Variants in VGLL4 observed in about 807,000 individuals in gnomAD.
The protein encoded by VGLL4 is vestigial like family member 4.
In VGLL4, 7 loss-of-function variants were observed where a neutral mutation model predicts 21.0. The ratio of observed to expected loss-of-function variants is 0.33; its 90% CI spans 0.19 to 0.63. The LOEUF is 0.63. Among genes scored for constraint, VGLL4 ranks in the 20% least tolerant of loss-of-function variants. The probability of loss-of-function intolerance (pLI) is 0.78; values close to 1 mark genes in which losing one functional copy is unlikely to be tolerated. For synonymous variants in VGLL4, 222 were observed against 173.2 expected, an observed-to-expected ratio of 1.28 and a Z score of -2.21; for missense variants, 394 against 425.7, an observed-to-expected ratio of 0.93 and a Z score of 0.66.
intron 2 of VGLL4, among the ~76,000 whole-genome samples, chr3:11,695,931 G>A (rs565015108): frequency 3.7e-4 from 57 of 152,262 alleles, no homozygotes; most frequent in African/African-American, 1.4e-3. Context: ...GCAGAAAAAC[G>A]ATCCAAAGGC....
At chr3:11,582,468 T>G (rs1419957201) in intron 2 of VGLL4, 1 of 1,199,514 alleles carries the variant, frequency 8.3e-7, no homozygotes, top group Admixed American at 2.7e-5. Flanking sequence ...CCCCCTGCAC[T>G]GCAATAAAAG....
intron 2 of VGLL4, among the ~76,000 whole-genome samples, chr3:11,577,867 T>G (rs994203171): frequency 2.0e-5 from 3 of 152,244 alleles, no homozygotes; most frequent in Admixed American, 1.3e-4. Flanking sequence ...GTCCAACTAC[T>G]GAAAAGGACT....
chr3:11,608,699 TCTAAGA>T (rs1429036721), intron 1 of VGLL4, among the ~76,000 whole-genome samples: 5 of 152,214 alleles, frequency 3.3e-5, no homozygotes, highest in Admixed American at 1.3e-4. Flanking sequence ...TCTCAAAGAT[TCTAAGA>T]CTATTTCCTA....
In VGLL4 at chr3:11,643,530, G is replaced by A. The variant is rs1380041474; in HGVS notation, c.-12C>T. ...TTCATAAATAGCATTTATTGGGCTAGCAAAGAAAACCAGCTCTTTGCTTTT... is the reference window on the plus strand; with the variant it reads ...TTCATAAATAGCATTTATTGGGCTAACAAAGAAAACCAGCTCTTTGCTTTT... On this transcript the variant is annotated 5_prime_UTR_variant, in exon 1 of 5. Coordinates refer to ENST00000430365, the MANE Select transcript of VGLL4 (RefSeq NM_001128219.3). 12 of 1,613,844 alleles carry A rather than the reference G, an allele frequency of 7.4e-6. No individual in the cohort carries two copies. Among genetic ancestry groups the A allele is most frequent in the Non-Finnish European group, 7.6e-6 (9 of 1,179,888 alleles).
At chr3:11,708,534 C>T (rs1447021884) in intron 1 of VGLL4, among the ~76,000 whole-genome samples, 1 of 151,094 alleles carries the variant, frequency 6.6e-6, no homozygotes, top group Non-Finnish European at 1.5e-5. Context: ...GTCACGTGTG[C>T]CTGGAGGGCC....
rs140526424 is a variant in VGLL4 at position 11,717,367 on chromosome 3, C to T, written c.-14+3027G>A. 1.2e-3 allele frequency among the ~76,000 whole-genome samples: 175 copies of T among 152,102 alleles called. 1 individual carries two copies. Among genetic ancestry groups the T allele is most frequent in the Middle Eastern group, 6.8e-3 (2 of 294 alleles). ...AAATTAAAAGCTGCACAGCAAAACT[C>T]TCCAAGACAGATACCTAGAAGAGAC... On this transcript the variant is annotated intron_variant, in intron 1 of 5. Coordinates refer to the VGLL4 transcript ENST00000273038.
At chr3:11,588,710 A>G (rs1227405646) in intron 2 of VGLL4, among the ~76,000 whole-genome samples, 1 of 152,204 alleles carries the variant, frequency 6.6e-6, no homozygotes, top group East Asian at 1.9e-4. Context: ...AGACAAATGG[A>G]AAGAGAGTTG....
intron 1 of VGLL4, among the ~76,000 whole-genome samples, chr3:11,708,617 G>C (rs762076986): frequency 1.8e-4 from 28 of 152,182 alleles, no homozygotes; most frequent in Non-Finnish European, 4.0e-4. Flanking sequence ...GCAAGGAAGT[G>C]ACAAGTTTAT....
chr3:11,620,492 C>G (rs549186996), intron 1 of VGLL4, among the ~76,000 whole-genome samples: 1 of 152,240 alleles, frequency 6.6e-6, no homozygotes, highest in South Asian at 2.1e-4. Flanking sequence ...GTTAGCACCC[C>G]AGGGCCGCTA....
intron 1 of VGLL4, among the ~76,000 whole-genome samples, chr3:11,636,776 G>A (rs1337056389): frequency 1.3e-5 from 2 of 152,180 alleles, no homozygotes; most frequent in African/African-American, 2.4e-5. Flanking sequence ...TTCAACAGGT[G>A]ATGAAGAATG....
chr3:11,713,932 G>A (rs1256116566), intron 1 of VGLL4, among the ~76,000 whole-genome samples: 1 of 152,108 alleles, frequency 6.6e-6, no homozygotes, highest in Admixed American at 6.6e-5. Flanking sequence ...GTGGCTCAGG[G>A]CTTGAGTCTA....
intron 1 of VGLL4, among the ~76,000 whole-genome samples, chr3:11,618,489 A>AAAATGGCT (rs1466472500): frequency 1.3e-5 from 2 of 152,226 alleles, no homozygotes; most frequent in African/African-American, 4.8e-5. Context: ...TTTCTTAAGA[A>AAAATGGCT]AAATGGCTTA....
At chr3:11,687,061 T>C (rs1048215886) in intron 2 of VGLL4, among the ~76,000 whole-genome samples, 1 of 152,178 alleles carries the variant, frequency 6.6e-6, no homozygotes, top group Admixed American at 6.5e-5. Flanking sequence ...CTGCTGTAAT[T>C]ATCCCTATGT....
intron 2 of VGLL4, among the ~76,000 whole-genome samples, chr3:11,585,723 C>G (rs2074346886): frequency 6.6e-6 from 1 of 152,196 alleles, no homozygotes; most frequent in African/African-American, 2.4e-5. Context: ...TTAGAGCAGG[C>G]ATGAGGTGTT....
chr3:11,703,519 A>G (rs1285058931), intron 1 of VGLL4, among the ~76,000 whole-genome samples: 1 of 152,234 alleles, frequency 6.6e-6, no homozygotes, highest in East Asian at 1.9e-4. Flanking sequence ...TTTAAGTCCA[A>G]TAAGAATCTT....
rs553095730 is a variant in VGLL4 at position 11,558,409 on chromosome 3, CAA to C, written c.*145_*146del. ...ACCAAGCAAGTACAAAAACAGAACA[CAA>C]ATCCCAACAACATGGTTTTTGCAAA... On this transcript the variant is annotated 3_prime_UTR_variant, in exon 5 of 5. Transcript: ENST00000430365. 239 of 1,322,636 alleles carry C rather than the reference CAA, an allele frequency of 1.8e-4. No homozygotes were observed. The African/African-American group carries it at 3.2e-3, about 18-fold the overall frequency. 81.9% of individuals were successfully genotyped at this position (1,322,636 alleles called of 1,614,324 possible).
chr3:11,703,629 T>C (rs1036270036), intron 1 of VGLL4, among the ~76,000 whole-genome samples: 4 of 152,244 alleles, frequency 2.6e-5, no homozygotes, highest in Non-Finnish European at 5.9e-5. Context: ...TGGATTTTTA[T>C]TGTTGTTTCC....
chr3:11,637,781 T>C (rs576632736), intron 1 of VGLL4, among the ~76,000 whole-genome samples: 2 of 152,182 alleles, frequency 1.3e-5, no homozygotes, highest in Non-Finnish European at 2.9e-5. Context: ...GTCCTGCTTT[T>C]AAAAATAAGC....
At chr3:11,681,789 A>C (rs1188278281) in intron 2 of VGLL4, among the ~76,000 whole-genome samples, 1 of 152,222 alleles carries the variant, frequency 6.6e-6, no homozygotes, top group Non-Finnish European at 1.5e-5. Context: ...GATGGAATGC[A>C]AAGGAGCCAG....
Sources: gnomAD v4.1 joint callset for allele counts (sites outside exome capture counted in the v4.1 genomes callset) on GRCh38, gnomAD v4.1.1 for gene constraint, MANE v1.5 for transcripts, NCBI Gene and HGNC (gene_info 2026-07-23, HGNC 2026-07-21) for gene names.